Variants in PTCH1 observed in about 807,000 individuals in gnomAD.
The protein encoded by PTCH1 is patched 1.
A neutral mutation model predicts 144.6 loss-of-function variants in PTCH1; 14 were observed. The observed-to-expected ratio is 0.10, with a 90% CI of 0.06 to 0.15. The LOEUF (loss-of-function observed/expected upper bound fraction) is 0.15, where lower values mean the gene tolerates loss of function less well. Ranked by LOEUF, PTCH1 falls within the 10% of genes least tolerant of loss-of-function variation. PTCH1 has a pLI of 1.00. For missense variants in PTCH1, 1,623 were observed against 1,948.3 expected (o/e 0.83, Z 3.14); for synonymous variants, 833 against 793.6 (o/e 1.05, Z -0.83).
chr9:95,464,951 T>C (rs28413575), intron 15 of PTCH1, among the ~76,000 whole-genome samples: 3,039 of 152,238 alleles, frequency 0.02, 92 homozygotes, highest in East Asian at 0.13. Context: ...TTGAGTGCTC[T>C]AGCGGACCCT....
At chr9:95,479,380 T>TAGGC (rs1841353865) in intron 7 of PTCH1, among the ~76,000 whole-genome samples, 1 of 152,192 alleles carries the variant, frequency 6.6e-6, no homozygotes, top group Non-Finnish European at 1.5e-5. Flanking sequence ...AAAATTAAAT[T>TAGGC]AATAGGCAAT....
At chr9:95,467,956 G>C (rs182087327) in intron 14 of PTCH1, among the ~76,000 whole-genome samples, 82 of 151,968 alleles carry the variant, frequency 5.4e-4, no homozygotes, top group African/African-American at 1.7e-3. Flanking sequence ...TCCCAGGATG[G>C]AGTGCAGTGG....
In PTCH1 at chr9:95,447,092, C is replaced by G; in HGVS notation, c.4164G>C (p.Gly1388=). 1 of 1,613,904 alleles carries G rather than the reference C, an allele frequency of 6.2e-7. No individual in the cohort carries two copies. The highest frequency in any genetic ancestry group is 8.5e-7 in the Non-Finnish European group (1 of 1,180,020). ...GTCCCCCTCGGGGGTTCCGCCCAGGCCCAGGGACAGGCGGCGGGTGCACGG... is the reference window on the plus strand; with the variant it reads ...GTCCCCCTCGGGGGTTCCGCCCAGGGCCAGGGACAGGCGGCGGGTGCACGG... ...TVAVHPPPVP[G]PGRNPRGGLC... is the part of the protein sequence containing the mutation. The change falls in exon 23 of 24, where the codon GGG becomes GGC. Residue 1388 remains glycine (G), a synonymous_variant. Transcript: ENST00000331920.
At chr9:95,459,577 C>G (rs1839269826) in intron 17 of PTCH1, 23 bp downstream of exon 17, 1 of 1,612,376 alleles carries the variant, frequency 6.2e-7, no homozygotes. Context: ...AGTTCCCAGA[C>G]CTCCCGATAA....
At chr9:95,461,609 C>G (rs1691067118) in intron 16 of PTCH1, among the ~76,000 whole-genome samples, 1 of 152,232 alleles carries the variant, frequency 6.6e-6, no homozygotes, top group Non-Finnish European at 1.5e-5. Flanking sequence ...GACAATTGTT[C>G]TGGTGGTAGG....
chr9:95,502,148 T>TTC (rs1843192817), intron 2 of PTCH1, among the ~76,000 whole-genome samples: 1 of 152,182 alleles, frequency 6.6e-6, no homozygotes, highest in African/African-American at 2.4e-5. Context: ...GCCTATGCTG[T>TTC]TCCTTCTGCC....
At chr9:95,493,653 G>GAGATTTTCTTTTT (rs1564072473) in intron 2 of PTCH1, among the ~76,000 whole-genome samples, 5 of 152,186 alleles carry the variant, frequency 3.3e-5, no homozygotes, top group African/African-American at 4.8e-5. Context: ...TTATCTAACA[G>GAGATTTTCTTTTT]CCTCTAGAGA....
upstream of PTCH1, among the ~76,000 whole-genome samples, chr9:95,512,273 A>T (rs1844193938): frequency 6.6e-6 from 1 of 152,164 alleles, no homozygotes; most frequent in Admixed American, 6.5e-5. Context: ...TTGATGGGTT[A>T]ACTTTTCAGC....
intron 2 of PTCH1, among the ~76,000 whole-genome samples, chr9:95,502,464 C>T (rs1483749930): frequency 6.6e-6 from 1 of 152,144 alleles, no homozygotes; most frequent in African/African-American, 2.4e-5. Flanking sequence ...TAGTTTCTCC[C>T]CCACCTTGCT....
At chr9:95,509,847 CTTTTA>C (rs547004809), upstream of PTCH1, among the ~76,000 whole-genome samples, 129 of 152,018 alleles carry the variant, frequency 8.5e-4, 1 homozygote, top group African/African-American at 3.0e-3. Flanking sequence ...CTTCTCTTTT[CTTTTA>C]TAACTAAAGG....
upstream of PTCH1, among the ~76,000 whole-genome samples, chr9:95,511,564 G>A (rs1844162469): frequency 2.0e-5 from 3 of 152,226 alleles, no homozygotes; most frequent in Admixed American, 2.0e-4. Flanking sequence ...TAAGGAGCAC[G>A]TGATTTTGTG....
chr9:95,494,056 A>T (rs1842624305), intron 2 of PTCH1, among the ~76,000 whole-genome samples: 1 of 152,130 alleles, frequency 6.6e-6, no homozygotes, highest in Non-Finnish European at 1.5e-5. Flanking sequence ...CGAGAAAAGG[A>T]CACCCCCACC....
At position 95,443,651 on chromosome 9, in the gene PTCH1, C is replaced by T. The variant is rs1318479848; in HGVS notation, c.*2742G>A. 2.6e-5 allele frequency: 4 copies of T among 152,568 alleles called. No individual in the cohort carries two copies. The highest frequency in any genetic ancestry group is 2.0e-4 in the Admixed American group (3 of 15,284). The allele number at this position is 152,568 out of a possible 1,614,324, so 9.5% of individuals were successfully genotyped here. A position where few individuals can be genotyped will look rare whatever the true frequency, so the allele number is the denominator to read the frequency against. On this transcript the variant is annotated 3_prime_UTR_variant, in exon 24 of 24. Transcript: ENST00000331920. ...TAATTTACAATGAAAACTGTGCCCA[C>T]TCATGTCTCAGCAAAGTTCCAGACA...
chr9:95,485,801 T>C lies in PTCH1; in HGVS notation c.468A>G (p.Gln156=), dbSNP rs200729445. 1.5e-5 allele frequency: 24 copies of C among 1,614,182 alleles called. No individual in the cohort carries two copies. In the East Asian group the frequency reaches 2.9e-4, roughly 19 times the overall value. ...CTTCTTTAGGGGTCTGTATCATGAG[T>C]TGAGGATTAAACATAGCCTCTTCTC... ...KIGEEAMFNP[Q]LMIQTPKEEG... is the part of the protein sequence containing the mutation. The change falls in exon 3 of 24, where the codon CAA becomes CAG. Residue 156 remains glutamine (Q), a synonymous_variant. Coordinates refer to ENST00000331920, the MANE Select transcript of PTCH1 (RefSeq NM_000264.5).
intron 5 of PTCH1, 83 bp downstream of exon 5, chr9:95,481,866 T>C: frequency 2.4e-6 from 3 of 1,269,312 alleles, no homozygotes; most frequent in East Asian, 2.4e-5. Context: ...AAAACTGAAA[T>C]GGAACAAACA....
In PTCH1 at chr9:95,449,768, G is replaced by C; in HGVS notation, c.3549+73C>G. On this transcript the variant is annotated intron_variant, in intron 21 of 23. Coordinates refer to ENST00000331920, the MANE Select transcript of PTCH1 (RefSeq NM_000264.5). This position sits in a 1 kb window ranked among gnomAD's most constrained non-coding sequence, Gnocchi z 5.3. ...GCAAGTGGGGAGGCACCTAAGTATC[G>C]AAGTGAAGAGCGGCACAGGAAACAC... The C allele has an allele frequency of 7.3e-7, 1 of 1,374,484 alleles. No individual in the cohort carries two copies. Among genetic ancestry groups the C allele is most frequent in the South Asian group, 1.2e-5 (1 of 84,350 alleles). The allele number at this position is 1,374,484 out of a possible 1,614,324, so 85.1% of individuals were successfully genotyped here.
intron 9 of PTCH1, 22 bp from the exon 10 acceptor site, chr9:95,477,724 C>T (rs774933220): frequency 6.2e-7 from 1 of 1,613,704 alleles, no homozygotes; most frequent in South Asian, 1.1e-5. Context: ...ACAATGGGGG[C>T]ACAGAACAAA....
chr9:95,465,037 G>C (rs1481635095), intron 15 of PTCH1, among the ~76,000 whole-genome samples: 1 of 151,950 alleles, frequency 6.6e-6, no homozygotes, highest in Non-Finnish European at 1.5e-5. Flanking sequence ...ACTTGGTCTA[G>C]GTGTATGCTG....
At chr9:95,459,419 C>A (rs181215935) in intron 17 of PTCH1, among the ~76,000 whole-genome samples, 181 bp downstream of exon 17, 1 of 152,142 alleles carries the variant, frequency 6.6e-6, no homozygotes, top group Non-Finnish European at 1.5e-5. Flanking sequence ...TGATAGAGTG[C>A]GGGGGTTGTA....
Sources: gnomAD v4.1 joint callset for allele counts (sites outside exome capture counted in the v4.1 genomes callset) on GRCh38, gnomAD v4.1.1 for gene constraint, Gnocchi (gnomAD v3.1) non-coding constraint, MANE v1.5 for transcripts, NCBI Gene and HGNC (gene_info 2026-07-23, HGNC 2026-07-21) for gene names.